Variants in LGR6 observed in about 807,000 individuals in gnomAD.
The protein encoded by LGR6 is leucine-rich repeat-containing G protein-coupled receptor 6.
A neutral mutation model predicts 69.4 loss-of-function variants in LGR6; 45 were observed. The ratio of observed to expected loss-of-function variants is 0.65; its 90% CI spans 0.51 to 0.83. The LOEUF (loss-of-function observed/expected upper bound fraction) is 0.83. Ranked by LOEUF, LGR6 falls within the 40% of genes least tolerant of loss-of-function variation. The pLI is 0.00. For missense variants in LGR6, 1,108 were observed against 1,246.7 expected (o/e 0.89, Z 1.68); for synonymous variants, 538 against 555.0 (o/e 0.97, Z 0.43).
intron 1 of LGR6, among the ~76,000 whole-genome samples, chr1:202,209,836 C>T (rs1053700617): frequency 6.6e-6 from 1 of 152,160 alleles, no homozygotes; most frequent in Non-Finnish European, 1.5e-5. Flanking sequence ...CAAGCACTGC[C>T]TCAAGCTTAT....
intron 4 of LGR6, among the ~76,000 whole-genome samples, chr1:202,241,721 G>A (rs371770099): frequency 7.9e-4 from 121 of 152,236 alleles, no homozygotes; most frequent in African/African-American, 2.5e-3. Flanking sequence ...TGGGGGCTGC[G>A]CTGGTCTGGG....
Position 202,206,402 on chromosome 1 carries a change from C to T in LGR6, c.212+12201C>T, listed in dbSNP as rs566552143. 8.5e-5 allele frequency among the ~76,000 whole-genome samples: 13 copies of T among 152,358 alleles called. No individual in the cohort carries two copies. The South Asian group carries it at 2.7e-3, about 32-fold the overall frequency. ...GTCTCAGGCCACCATGGACCCGGCC[C>T]CCCAGCGCAGTTACCTGCTTCAGCA... On this transcript the variant is annotated intron_variant, in intron 1 of 17. Coordinates refer to ENST00000367278, the MANE Select transcript of LGR6 (RefSeq NM_001017403.2).
At chr1:202,254,250 G>A (rs1663565377) in intron 4 of LGR6, among the ~76,000 whole-genome samples, 1 of 152,190 alleles carries the variant, frequency 6.6e-6, no homozygotes. Flanking sequence ...CCAGCCTACT[G>A]TTCTTATTAG....
In LGR6 at chr1:202,233,309, C is replaced by T. The variant is rs16849769; in HGVS notation, c.357-2613C>T. On this transcript the variant is annotated intron_variant, in intron 3 of 17. Transcript: ENST00000367278. ...AGATGCATTGAGGGGCCCCTTGGAG[C>T]TCGGGACTCACTTGTGCAGTGACCA... Among the ~76,000 whole-genome samples, 706 of 152,198 alleles carry T rather than the reference C, an allele frequency of 4.6e-3. 7 individuals are homozygous for T. The highest frequency in any genetic ancestry group is 0.016 in the African/African-American group (665 of 41,528).
intron 4 of LGR6, among the ~76,000 whole-genome samples, chr1:202,267,129 A>G (rs375845078): frequency 2.6e-5 from 4 of 152,232 alleles, no homozygotes; most frequent in African/African-American, 9.6e-5. Context: ...TCAAGAGCTC[A>G]ATAGCCACAG....
chr1:202,308,649 G>A (rs1653462564), intron 14 of LGR6, among the ~76,000 whole-genome samples: 1 of 152,178 alleles, frequency 6.6e-6, no homozygotes, highest in Admixed American at 6.5e-5. Context: ...AAAGGCAGGG[G>A]GATGGGGATA....
In LGR6 at chr1:202,319,014, G is replaced by A; in HGVS notation, c.2711G>A (p.Cys904Tyr). ...YGFPSVTLIS[C>Y]QQPGAPRLEG... ...TTCCCCTCAGTGACCCTCATCTCCT[G>A]TCAGCAGCCAGGGGCCCCCAGGCTG... The change falls in exon 18 of 18, where the codon TGT (cysteine) becomes TAT (tyrosine). Residue 904 changes from cysteine to tyrosine, a missense_variant. Cys to Tyr is a radical substitution (Grantham distance 194). Transcript: ENST00000367278. 6.2e-7 allele frequency: 1 copy of A among 1,614,024 alleles called. No homozygotes were observed. Among genetic ancestry groups the A allele is most frequent in the Non-Finnish European group, 8.5e-7 (1 of 1,179,968 alleles).
intron 1 of LGR6, among the ~76,000 whole-genome samples, chr1:202,196,298 C>A (rs1658638250): frequency 6.6e-6 from 1 of 152,126 alleles, no homozygotes; most frequent in Non-Finnish European, 1.5e-5. Context: ...AATTTTCTTT[C>A]TTTGCCCTCT....
intron 15 of LGR6, 37 bp from the exon 16 acceptor site, chr1:202,310,160 G>A (rs746809835): frequency 9.3e-6 from 15 of 1,609,446 alleles, no homozygotes; most frequent in Non-Finnish European, 1.3e-5. Context: ...CCCCAAAGAT[G>A]CTGAGGCAGC....
At chr1:202,263,855 G>A (rs1306493764) in intron 4 of LGR6, among the ~76,000 whole-genome samples, 2 of 152,212 alleles carry the variant, frequency 1.3e-5, no homozygotes, top group African/African-American at 4.8e-5. Context: ...AGAGAACTGG[G>A]GGAGATCTTC....
intron 4 of LGR6, among the ~76,000 whole-genome samples, chr1:202,236,608 C>T (rs1165303488): frequency 1.3e-5 from 2 of 152,164 alleles, no homozygotes; most frequent in Admixed American, 6.5e-5. Flanking sequence ...GTAACCCAGC[C>T]CAGTGGGAGC....
chr1:202,235,643 G>T (rs1661477624), intron 3 of LGR6, among the ~76,000 whole-genome samples: 1 of 152,086 alleles, frequency 6.6e-6, no homozygotes, highest in African/African-American at 2.4e-5. Flanking sequence ...TCCTCTCCAT[G>T]GTCTTCTTCA....
chr1:202,307,331 G>A lies in LGR6; in HGVS notation c.1210G>A (p.Asp404Asn). 1 of 1,614,104 alleles carries A rather than the reference G, an allele frequency of 6.2e-7. No individual in the cohort carries two copies. Among genetic ancestry groups the A allele is most frequent in the East Asian group, 2.2e-5 (1 of 44,862 alleles). Residue 404 changes from aspartate to asparagine, a missense_variant and splice_region_variant, in exon 14 of 18, where the codon GAT (aspartate) becomes AAT (asparagine). Coordinates refer to ENST00000367278, the MANE Select transcript of LGR6 (RefSeq NM_001017403.2). Reference sequence around the variant, plus strand: ...CTGTCACACCCTCTCTGCCTGCAGGGATCTTAGCTGGAACGCCATCCGGTC... The same window carrying A: ...CTGTCACACCCTCTCTGCCTGCAGGAATCTTAGCTGGAACGCCATCCGGTC... ...FSQLSSLQAL[D>N]LSWNAIRSIH...
chr1:202,304,417 C>A, intron 10 of LGR6, 142 bp from the exon 11 acceptor site: 1 of 508,834 alleles, frequency 2.0e-6, no homozygotes, highest in South Asian at 3.4e-5. Context: ...CAGCCCCACC[C>A]CCTGCCCTGT....
intron 3 of LGR6, among the ~76,000 whole-genome samples, chr1:202,232,890 T>G (rs992074868): frequency 6.6e-6 from 1 of 152,172 alleles, no homozygotes; most frequent in Non-Finnish European, 1.5e-5. Flanking sequence ...AGCCTTCACC[T>G]CCTCATCTTG....
At chr1:202,253,894 C>G (rs1462588699) in intron 4 of LGR6, among the ~76,000 whole-genome samples, 1 of 144,542 alleles carries the variant, frequency 6.9e-6, no homozygotes, top group African/African-American at 2.6e-5. Context: ...CAAGCTCCGC[C>G]TCCCGGGTTC....
intron 1 of LGR6, chr1:202,210,715 C>T (rs1258736453): frequency 6.6e-6 from 1 of 152,216 alleles, no homozygotes; most frequent in Non-Finnish European, 1.5e-5. Flanking sequence ...CTTTCCTATT[C>T]ATTCTCTTGA....
chr1:202,255,428 G>A (rs780284432), intron 4 of LGR6, among the ~76,000 whole-genome samples: 8 of 152,106 alleles, frequency 5.3e-5, no homozygotes, highest in Non-Finnish European at 1.2e-4. Context: ...GGGACACAGA[G>A]CAGGTGAAAT....
At chr1:202,233,543 A>G (rs1661272528) in intron 3 of LGR6, among the ~76,000 whole-genome samples, 1 of 152,132 alleles carries the variant, frequency 6.6e-6, no homozygotes, top group Admixed American at 6.5e-5. Flanking sequence ...GAGGGTAGAA[A>G]CACTAAGCAG....
Sources: gnomAD v4.1 joint callset for allele counts (sites outside exome capture counted in the v4.1 genomes callset) on GRCh38, gnomAD v4.1.1 for gene constraint, MANE v1.5 for transcripts, NCBI Gene and HGNC (gene_info 2026-07-23, HGNC 2026-07-21) for gene names.